The following NAV3 variants were observed in gnomAD, a reference collection of about 807,000 sequenced individuals.
NAV3 encodes the protein pore membrane and/or filament interacting like protein 1.
Under a neutral mutation model 244.7 loss-of-function variants are expected in NAV3, and 87 were observed. The observed-to-expected ratio is 0.36, with a 90% CI of 0.30 to 0.42. The LOEUF is 0.42. NAV3 is among the 20% of genes least tolerant of loss of function. NAV3 has a pLI of 1.00. For synonymous variants in NAV3, 1,126 were observed against 1,042.2 expected (o/e 1.08, Z -1.55); for missense variants, 2,663 against 2,893.3 (o/e 0.92, Z 1.83).
chr12:77,948,216 T>C (rs1731712), intron 3 of NAV3, among the ~76,000 whole-genome samples: 127,973 of 151,962 alleles, frequency 0.84, 54,016 homozygotes, highest in East Asian at 0.98. Flanking sequence ...AATACAAGAA[T>C]GCCTTGTTGC....
chr12:77,671,298 T>A (rs931133683), intron 2 of NAV3, among the ~76,000 whole-genome samples: 1 of 151,800 alleles, frequency 6.6e-6, no homozygotes, highest in African/African-American at 2.4e-5. Context: ...CTGGAAGAAC[T>A]CATAGATGAC....
At chr12:77,857,660 C>T (rs12308242) in intron 1 of NAV3, among the ~76,000 whole-genome samples, 67,616 of 151,174 alleles carry the variant, frequency 0.45, 15,585 homozygotes, top group Non-Finnish European at 0.51. Context: ...GAAAAAAAGA[C>T]TTTAGAAAAA....
intron 2 of NAV3, among the ~76,000 whole-genome samples, chr12:77,657,386 A>G (rs1359651322): frequency 2.6e-5 from 4 of 152,056 alleles, no homozygotes; most frequent in Non-Finnish European, 4.4e-5. Context: ...CGACACATAC[A>G]CTCTCCCAAG....
chr12:77,822,687 T>A (rs1430603009), intron 2 of NAV3, among the ~76,000 whole-genome samples: 1 of 152,186 alleles, frequency 6.6e-6, no homozygotes, highest in Non-Finnish European at 1.5e-5. Context: ...GTATATCATA[T>A]CTTATTTTTT....
intron 2 of NAV3, among the ~76,000 whole-genome samples, chr12:77,784,596 G>C (rs1870820300): frequency 6.6e-6 from 1 of 152,120 alleles, no homozygotes; most frequent in Admixed American, 6.6e-5. Flanking sequence ...AAGAAGGATA[G>C]TTCTTCACCT....
At chr12:77,617,484 T>C (rs1434627327) in intron 2 of NAV3, among the ~76,000 whole-genome samples, 1 of 152,212 alleles carries the variant, frequency 6.6e-6, no homozygotes, top group Non-Finnish European at 1.5e-5. Context: ...AGGCATATGA[T>C]AAAAAACTGA....
chr12:77,628,700 A>G (rs541441865), intron 2 of NAV3, among the ~76,000 whole-genome samples: 52 of 151,946 alleles, frequency 3.4e-4, no homozygotes, highest in Admixed American at 2.0e-3. Context: ...CCTGGGCAAC[A>G]TGGTGAAACC....
At chr12:77,633,751 TCAACCATACACTA>T (rs566147195) in intron 2 of NAV3, among the ~76,000 whole-genome samples, 75 of 152,286 alleles carry the variant, frequency 4.9e-4, no homozygotes, top group African/African-American at 1.8e-3. Context: ...TCGAGACATT[TCAACCATACACTA>T]CAATATTACT....
chr12:77,839,120 C>A (rs1875170356), intron 1 of NAV3, among the ~76,000 whole-genome samples: 1 of 152,150 alleles, frequency 6.6e-6, no homozygotes, highest in African/African-American at 2.4e-5. Flanking sequence ...GGATATTTGG[C>A]AGCATGTCTA....
At chr12:77,855,722 C>T (rs1486139119) in intron 1 of NAV3, among the ~76,000 whole-genome samples, 1 of 152,174 alleles carries the variant, frequency 6.6e-6, no homozygotes, top group Non-Finnish European at 1.5e-5. Context: ...TGAGCTAGTC[C>T]ACTGGATATT....
At chr12:77,984,275 G>T (rs149931526) in intron 5 of NAV3, among the ~76,000 whole-genome samples, 3 of 152,172 alleles carry the variant, frequency 2.0e-5, no homozygotes, top group Admixed American at 2.0e-4. Flanking sequence ...AAGAGCCACA[G>T]TTAAAAGCTC....
intron 22 of NAV3, among the ~76,000 whole-genome samples, chr12:78,158,123 A>T (rs907170449): frequency 6.6e-6 from 1 of 152,170 alleles, no homozygotes; most frequent in Non-Finnish European, 1.5e-5. Context: ...CCACTCTGCT[A>T]TAAGTACATG....
intron 9 of NAV3, among the ~76,000 whole-genome samples, chr12:78,031,351 T>C (rs1235731437): frequency 6.6e-6 from 1 of 152,072 alleles, no homozygotes; most frequent in Non-Finnish European, 1.5e-5. Flanking sequence ...TGGGGAGAAT[T>C]CTCTGCTCAT....
intron 9 of NAV3, among the ~76,000 whole-genome samples, chr12:78,027,589 A>T (rs1878280082): frequency 6.6e-6 from 1 of 152,204 alleles, no homozygotes; most frequent in African/African-American, 2.4e-5. Flanking sequence ...AAAATTCCAA[A>T]CCTGACCTCC....
intron 2 of NAV3, among the ~76,000 whole-genome samples, chr12:77,761,410 T>C (rs1396219147): frequency 2.0e-5 from 3 of 152,190 alleles, no homozygotes; most frequent in South Asian, 2.1e-4. Flanking sequence ...TCTCCCAACA[T>C]TGTTTATATT....
chr12:77,721,312 A>C (rs1377623626), intron 2 of NAV3, among the ~76,000 whole-genome samples: 2 of 152,098 alleles, frequency 1.3e-5, no homozygotes, highest in Non-Finnish European at 2.9e-5. Flanking sequence ...TTTTTTACCA[A>C]CCTAATTCGT....
At chr12:77,864,850 T>A (rs942590144) in intron 1 of NAV3, among the ~76,000 whole-genome samples, 1 of 152,006 alleles carries the variant, frequency 6.6e-6, no homozygotes, top group Non-Finnish European at 1.5e-5. Context: ...TCTTTTTGAT[T>A]CTTGATACTA....
intron 10 of NAV3, among the ~76,000 whole-genome samples, chr12:78,050,476 T>C (rs963157519): frequency 1.3e-5 from 2 of 152,286 alleles, no homozygotes; most frequent in Admixed American, 1.3e-4. Flanking sequence ...ACTTTCAGAA[T>C]AGGTCTGGGA....
chr12:77,966,796 A>T (rs1892562729), intron 4 of NAV3, among the ~76,000 whole-genome samples: 4 of 152,128 alleles, frequency 2.6e-5, no homozygotes, highest in Admixed American at 1.3e-4. Context: ...AATCACTGTT[A>T]TATATAAATG....
Sources: allele counts gnomAD v4.1 joint callset (sites outside exome capture counted in the v4.1 genomes callset), GRCh38; gene constraint gnomAD v4.1.1; transcripts MANE v1.5; gene names NCBI Gene and HGNC (gene_info 2026-07-23, HGNC 2026-07-21).